SH2D4A: variants seen among roughly 807,000 people sequenced by gnomAD.
The protein encoded by SH2D4A is SH2 domain-containing protein 4A.
In SH2D4A, 70 loss-of-function variants were observed where a neutral mutation model predicts 64.7. The ratio of observed to expected loss-of-function variants is 1.08; its 90% CI spans 0.89 to 1.32. SH2D4A has a LOEUF of 1.32. Ranked by LOEUF, SH2D4A falls within the 40% of genes most tolerant of loss-of-function variation. The pLI, the probability that SH2D4A is intolerant of heterozygous loss-of-function variation, is 0.00. For missense variants in SH2D4A, 706 were observed against 540.1 expected, an observed-to-expected ratio of 1.31 and a Z score of -3.04; for synonymous variants, 268 against 200.7, an observed-to-expected ratio of 1.34 and a Z score of -2.83.
intron 4 of SH2D4A, among the ~76,000 whole-genome samples, chr8:19,335,110 C>T (rs1430291378): frequency 1.3e-5 from 2 of 151,734 alleles, no homozygotes; most frequent in Admixed American, 1.3e-4. Context: ...GGTGAAACCC[C>T]GTGTCTACTA....
At chr8:19,391,555 G>A (rs963002672) in intron 8 of SH2D4A, among the ~76,000 whole-genome samples, 1 of 152,170 alleles carries the variant, frequency 6.6e-6, no homozygotes, top group Non-Finnish European at 1.5e-5. Context: ...GGGGAGACTG[G>A]CCTTTTCACC....
chr8:19,314,222 G>A, intron 1 of SH2D4A: 1 of 515,274 alleles, frequency 1.9e-6, no homozygotes, highest in Non-Finnish European at 2.6e-6. Context: ...CCCGCGGGGA[G>A]TGCAGGCCCC....
intron 7 of SH2D4A, among the ~76,000 whole-genome samples, chr8:19,369,216 G>A (rs190338715): frequency 6.6e-6 from 1 of 152,110 alleles, no homozygotes; most frequent in Non-Finnish European, 1.5e-5. Flanking sequence ...TTGATGTGCT[G>A]TTGGATTTGG....
Position 19,394,677 on chromosome 8 carries a change from C to T in SH2D4A, c.*35C>T, listed in dbSNP as rs191083153. 2.3e-3 allele frequency: 3,535 copies of T among 1,543,838 alleles called. 78 individuals are homozygous for T. The South Asian group carries it at 0.027, about 12-fold the overall frequency. On this transcript the variant is annotated 3_prime_UTR_variant, in exon 10 of 10. Transcript: ENST00000265807. ...TCAGGGTCATCCTACAGCCTCCAAG[C>T]GGGCTTTCCCCTGGACAAATGCCAC...
At position 19,322,348 on chromosome 8, in the gene SH2D4A, C is replaced by T. The variant is rs551220456; in HGVS notation, c.181+2620C>T. On this transcript the variant is annotated intron_variant, in intron 2 of 9. Transcript: ENST00000265807. The stretch of plus-strand genomic sequence containing the variant: ...TTGTGCTCCCTGCCTCCCCTTCTCC[C>T]GCCTTTCTGGTTAGTACTGAGCTAA... Among the ~76,000 whole-genome samples, 12 of 152,270 alleles carry T rather than the reference C, an allele frequency of 7.9e-5. No individual in the cohort carries two copies. In the South Asian group the frequency reaches 8.3e-4, roughly 11 times the overall value.
chr8:19,374,582 C>T (rs538624047), intron 8 of SH2D4A, among the ~76,000 whole-genome samples: 1 of 152,326 alleles, frequency 6.6e-6, no homozygotes, highest in African/African-American at 2.4e-5. Flanking sequence ...GGAAACTCTT[C>T]TAAAAGGAAT....
At position 19,394,618 on chromosome 8, in the gene SH2D4A, T is replaced by C; in HGVS notation, c.1341T>C (p.Pro447=). Residue 447 remains proline, a synonymous_variant, in exon 10 of 10, where the codon CCT becomes CCC. Coordinates refer to ENST00000265807, the MANE Select transcript of SH2D4A (RefSeq NM_022071.4). The part of the protein sequence containing the change: ...LYPCGQQDQL[P]DYLELFE ...CCTGTGGTCAGCAGGACCAGCTGCC[T>C]GACTACCTGGAGCTGTTTGAGTGAC... 2 of 1,610,914 alleles carry C rather than the reference T, an allele frequency of 1.2e-6. No individual in the cohort carries two copies. The highest frequency in any genetic ancestry group is 4.5e-5 in the East Asian group (2 of 44,728).
chr8:19,317,470 C>T lies in SH2D4A; in HGVS notation c.-204-1874C>T, dbSNP rs144323389. 1.1e-3 allele frequency among the ~76,000 whole-genome samples: 157 copies of T among 148,574 alleles called. No individual in the cohort carries two copies. The Middle Eastern group carries it at 0.014, about 13-fold the overall frequency. On this transcript the variant is annotated intron_variant, in intron 1 of 9. Coordinates refer to ENST00000265807, the MANE Select transcript of SH2D4A (RefSeq NM_022071.4). ...TTGGATTCTGGTAGTTGAATGCTGC[C>T]GAGATGATAGGTTGCAGTCAGTAGG...
chr8:19,359,162 G>T (rs747474156), intron 5 of SH2D4A, among the ~76,000 whole-genome samples: 1 of 152,116 alleles, frequency 6.6e-6, no homozygotes, highest in Non-Finnish European at 1.5e-5. Context: ...GAATAAATAC[G>T]GTGGTCAGGG....
intron 7 of SH2D4A, among the ~76,000 whole-genome samples, chr8:19,370,215 ATACT>A (rs1434348353): frequency 6.6e-6 from 1 of 151,964 alleles, no homozygotes; most frequent in African/African-American, 2.4e-5. Context: ...TGCTGTTGAG[ATACT>A]GTGTATTCTG....
rs1451112266 is a variant in SH2D4A, at chr8:19,395,589, G to A, written c.*947G>A. 1 of 152,148 alleles carries A rather than the reference G, an allele frequency of 6.6e-6. No individual in the cohort carries two copies. The highest frequency in any genetic ancestry group is 2.4e-5 in the African/African-American group (1 of 41,410). 9.4% of individuals were successfully genotyped at this position (152,148 alleles called of 1,614,324 possible). On this transcript the variant is annotated 3_prime_UTR_variant, in exon 10 of 10. Coordinates refer to ENST00000265807, the MANE Select transcript of SH2D4A (RefSeq NM_022071.4). ...CATCCTTAGGAGAAGAGAGAGTTTTGGTAATAGACACAAATGCAGTGGGAA... is the reference window on the plus strand; with the variant it reads ...CATCCTTAGGAGAAGAGAGAGTTTTAGTAATAGACACAAATGCAGTGGGAA...
chr8:19,322,813 T>C (rs2052214561), intron 2 of SH2D4A, among the ~76,000 whole-genome samples: 1 of 151,886 alleles, frequency 6.6e-6, no homozygotes, highest in South Asian at 2.1e-4. Flanking sequence ...TAGCTGGGAT[T>C]ATAAGCACCT....
At chr8:19,341,348 G>T (rs2052526428) in intron 4 of SH2D4A, among the ~76,000 whole-genome samples, 1 of 152,154 alleles carries the variant, frequency 6.6e-6, no homozygotes, top group African/African-American at 2.4e-5. Context: ...CATTGTATAT[G>T]CAAGGCCCAA....
chr8:19,388,897 G>A (rs1270324020), intron 8 of SH2D4A, among the ~76,000 whole-genome samples: 2 of 152,178 alleles, frequency 1.3e-5, no homozygotes, highest in East Asian at 3.9e-4. Context: ...CATGGAAGTG[G>A]GGGAGGGCAG....
chr8:19,340,932 A>G (rs2052520288), intron 4 of SH2D4A, among the ~76,000 whole-genome samples: 1 of 152,142 alleles, frequency 6.6e-6, no homozygotes, highest in Non-Finnish European at 1.5e-5. Flanking sequence ...GGAGTTCACA[A>G]CACTTTTTCT....
chr8:19,388,044 C>T (rs1356047393), intron 8 of SH2D4A, among the ~76,000 whole-genome samples: 1 of 152,184 alleles, frequency 6.6e-6, no homozygotes, highest in Non-Finnish European at 1.5e-5. Context: ...GCATACTACA[C>T]ATACGTAACC....
At chr8:19,350,980 A>G (rs551883502) in intron 4 of SH2D4A, among the ~76,000 whole-genome samples, 138 of 152,264 alleles carry the variant, frequency 9.1e-4, no homozygotes, top group Admixed American at 1.9e-3. Flanking sequence ...AGTTTGTACC[A>G]TATTTTTAGC....
intron 9 of SH2D4A, 46 bp downstream of exon 9, chr8:19,393,587 G>C (rs2053534731): frequency 6.3e-7 from 1 of 1,575,646 alleles, no homozygotes; most frequent in Non-Finnish European, 8.7e-7. Flanking sequence ...TTACTGTCCT[G>C]TAGCAGCTCT....
chr8:19,332,055 A>C (rs549397104), intron 2 of SH2D4A, among the ~76,000 whole-genome samples: 195 of 152,258 alleles, frequency 1.3e-3, no homozygotes, highest in Non-Finnish European at 2.2e-3. Flanking sequence ...CTATGAGCTC[A>C]CCACTGCACT....
Sources: allele counts gnomAD v4.1 joint callset (sites outside exome capture counted in the v4.1 genomes callset), GRCh38; gene constraint gnomAD v4.1.1; transcripts MANE v1.5; gene names NCBI Gene and HGNC (gene_info 2026-07-23, HGNC 2026-07-21).